The following CATSPERB variants were observed in gnomAD, a reference collection of about 807,000 sequenced individuals.
CATSPERB encodes the protein cation channel sperm-associated auxiliary subunit beta.
A neutral mutation model predicts 128.3 loss-of-function variants in CATSPERB; 93 were observed. That is an observed-to-expected ratio of 0.72 (90% CI 0.61 to 0.86). The LOEUF (loss-of-function observed/expected upper bound fraction) is 0.86. Ranked by LOEUF, CATSPERB falls within the 40% of genes least tolerant of loss-of-function variation. The pLI, the probability that CATSPERB is intolerant of heterozygous loss-of-function variation, is 0.00. For synonymous variants in CATSPERB, 381 were observed against 448.8 expected (o/e 0.85, Z 1.91); for missense variants, 1,153 against 1,329.5 (o/e 0.87, Z 2.06).
intron 7 of CATSPERB, among the ~76,000 whole-genome samples, chr14:91,694,513 A>G (rs1310836550): frequency 6.6e-6 from 1 of 151,700 alleles, no homozygotes; most frequent in African/African-American, 2.4e-5. Context: ...TTCACTAAGC[A>G]TAAGAGAACA....
chr14:91,626,383 T>TTTTTTA (rs1894161376), intron 17 of CATSPERB, among the ~76,000 whole-genome samples: 1 of 146,744 alleles, frequency 6.8e-6, no homozygotes. Flanking sequence ...TTTTTTTTTT[T>TTTTTTA]GAGACAGAGT....
chr14:91,717,427 T>A (rs1408764087), intron 5 of CATSPERB, among the ~76,000 whole-genome samples: 2 of 152,210 alleles, frequency 1.3e-5, no homozygotes, highest in Admixed American at 1.3e-4. Context: ...CTGTTTACTT[T>A]CAACAATTAT....
intron 25 of CATSPERB, among the ~76,000 whole-genome samples, chr14:91,587,507 G>C (rs1320015222): frequency 2.4e-5 from 2 of 82,724 alleles, no homozygotes; most frequent in African/African-American, 1.0e-4. Flanking sequence ...TTTTTTTTTA[G>C]AATGAGGAGA....
chr14:91,593,948 A>G (rs1253730577), intron 22 of CATSPERB, among the ~76,000 whole-genome samples: 1 of 152,220 alleles, frequency 6.6e-6, no homozygotes, highest in East Asian at 1.9e-4. Flanking sequence ...ATGATAGTGA[A>G]TAAGTCTCAC....
At chr14:91,645,804 A>C (rs1263479328) in intron 15 of CATSPERB, among the ~76,000 whole-genome samples, 1 of 149,282 alleles carries the variant, frequency 6.7e-6, no homozygotes, top group Non-Finnish European at 1.5e-5. Context: ...CCCCTCCCCC[A>C]GCCTCGCTGC....
chr14:91,586,729 G>A (rs991465417), intron 26 of CATSPERB, among the ~76,000 whole-genome samples: 11 of 152,174 alleles, frequency 7.2e-5, no homozygotes, highest in African/African-American at 2.7e-4. Flanking sequence ...TGCTTTCATG[G>A]GATGATTTGG....
chr14:91,628,432 T>G (rs1016365667), intron 17 of CATSPERB, among the ~76,000 whole-genome samples: 2 of 152,196 alleles, frequency 1.3e-5, no homozygotes, highest in Admixed American at 1.3e-4. Flanking sequence ...ATGTTCTACA[T>G]CATATACTGA....
intron 7 of CATSPERB, among the ~76,000 whole-genome samples, chr14:91,699,655 C>T (rs950660077): frequency 1.3e-5 from 2 of 151,424 alleles, no homozygotes; most frequent in Non-Finnish European, 2.9e-5. Context: ...CTCACTGCAA[C>T]CTCTGCCTCC....
rs765224726 is a variant in CATSPERB at position 91,621,835 on chromosome 14, A to G, written c.2033T>C (p.Leu678Ser). 6.2e-7 allele frequency: 1 copy of G among 1,613,808 alleles called. No individual in the cohort carries two copies. Among genetic ancestry groups the G allele is most frequent in the Non-Finnish European group, 8.5e-7 (1 of 1,179,776 alleles). ...ITSILDNKNA[L>S]AIATMPESAP... ...ACTTTCAGGCATGGTAGCAATGGCT[A>G]ATGCATTCTTATTATCTAAAATGCT... Residue 678 changes from leucine (L) to serine (S), a missense_variant, in exon 19 of 27, where the codon TTA (leucine) becomes TCA (serine). By Grantham distance (145) the Leu-to-Ser change is moderately radical. Coordinates refer to ENST00000256343, the MANE Select transcript of CATSPERB (RefSeq NM_024764.4).
At chr14:91,610,732 T>C (rs1017577302) in intron 20 of CATSPERB, 55 bp from the exon 21 acceptor site, 12 of 1,527,180 alleles carry the variant, frequency 7.9e-6, no homozygotes, top group South Asian at 1.2e-5. Flanking sequence ...TGGACTGAAC[T>C]GTGTCCAACC....
At chr14:91,617,563 G>C in intron 20 of CATSPERB, 34 bp downstream of exon 20, 1 of 1,540,364 alleles carries the variant, frequency 6.5e-7, no homozygotes, top group Non-Finnish European at 8.7e-7. Context: ...TTTTTCATCA[G>C]TAAGAAATGT....
intron 7 of CATSPERB, among the ~76,000 whole-genome samples, chr14:91,699,199 C>A (rs1447505898): frequency 6.6e-6 from 1 of 152,116 alleles, no homozygotes; most frequent in Non-Finnish European, 1.5e-5. Flanking sequence ...ATAATGACTT[C>A]TTTTCCTTGG....
In CATSPERB at chr14:91,710,740, G is replaced by A. The variant is rs936923145; in HGVS notation, c.371-2504C>T. 6.6e-5 allele frequency: 10 copies of A among 152,214 alleles called. 1 individual carries two copies. Among genetic ancestry groups the A allele is most frequent in the South Asian group, 4.1e-4 (2 of 4,832 alleles). 9.4% of individuals were successfully genotyped at this position (152,214 alleles called of 1,614,324 possible). On this transcript the variant is annotated intron_variant, in intron 5 of 26. Transcript: ENST00000256343. ...TGAGCATGGCACCATAACTACTCCA[G>A]TGGCTGAATGTTTATTTCCTCCATG...
intron 6 of CATSPERB, among the ~76,000 whole-genome samples, chr14:91,706,413 A>C (rs907824727): frequency 1.3e-5 from 2 of 152,178 alleles, no homozygotes; most frequent in African/African-American, 4.8e-5. Flanking sequence ...ATGCCCCCCT[A>C]CTTATATACA....
At chr14:91,668,424 T>G (rs1895026798) in intron 14 of CATSPERB, among the ~76,000 whole-genome samples, 2 of 152,140 alleles carry the variant, frequency 1.3e-5, no homozygotes, top group South Asian at 4.1e-4. Flanking sequence ...ATCAGCACTC[T>G]GTAAAATGGA....
intron 14 of CATSPERB, among the ~76,000 whole-genome samples, chr14:91,661,751 C>T (rs927526385): frequency 3.3e-5 from 5 of 151,750 alleles, no homozygotes; most frequent in African/African-American, 7.3e-5. Context: ...CTGAAACTCC[C>T]GGGCTCAAGC....
At chr14:91,645,928 C>T (rs1279576396) in intron 15 of CATSPERB, among the ~76,000 whole-genome samples, 6 of 146,102 alleles carry the variant, frequency 4.1e-5, no homozygotes, top group Admixed American at 1.4e-4. Flanking sequence ...TTTTTTAAGC[C>T]GGTCTGAAAA....
At chr14:91,633,220 T>C (rs1310740787) in intron 17 of CATSPERB, among the ~76,000 whole-genome samples, 1 of 152,186 alleles carries the variant, frequency 6.6e-6, no homozygotes. Flanking sequence ...TGTTAATCTG[T>C]CTTATGTCAG....
intron 17 of CATSPERB, among the ~76,000 whole-genome samples, chr14:91,634,141 A>G (rs138967619): frequency 1.2e-3 from 182 of 152,314 alleles, no homozygotes; most frequent in African/African-American, 4.1e-3. Flanking sequence ...TGATTAACAC[A>G]TATTTTGTAT....
Sources: gnomAD v4.1 joint callset for allele counts (sites outside exome capture counted in the v4.1 genomes callset) on GRCh38, gnomAD v4.1.1 for gene constraint, MANE v1.5 for transcripts, NCBI Gene and HGNC (gene_info 2026-07-23, HGNC 2026-07-21) for gene names.